The following ADSL variants were observed in gnomAD, a reference collection of about 807,000 sequenced individuals.
ADSL encodes the protein adenylosuccinase.
Under a neutral mutation model 62.1 loss-of-function variants are expected in ADSL, and 44 were observed. That is an observed-to-expected ratio of 0.71 (90% CI 0.56 to 0.91). ADSL has a LOEUF of 0.91. Among genes scored for constraint, ADSL ranks in the 40% least tolerant of loss-of-function variants. The probability of loss-of-function intolerance (pLI) is 0.00; values close to 1 mark genes in which losing one functional copy is unlikely to be tolerated. For synonymous variants in ADSL, 198 were observed against 220.5 expected (o/e 0.90, Z 0.90); for missense variants, 531 against 627.4 (o/e 0.85, Z 1.64).
At chr22:40,357,247 C>CTTTTTTTTTTTTTTT (rs760770992) in intron 4 of ADSL, among the ~76,000 whole-genome samples, 1 of 102,782 alleles carries the variant, frequency 9.7e-6, no homozygotes, top group Non-Finnish European at 2.0e-5. Flanking sequence ...TTGATTTGGG[C>CTTTTTTTTTTTTTTT]TTTTTTTTTT....
chr22:40,384,693 T>C (rs957486731), intron 2 of ADSL, among the ~76,000 whole-genome samples: 1 of 152,058 alleles, frequency 6.6e-6, no homozygotes, highest in Non-Finnish European at 1.5e-5. Context: ...GGCGGGAGAA[T>C]GGGCATGGAT....
Position 40,350,009 on chromosome 22 carries a change from A to G in ADSL, c.331A>G (p.Thr111Ala), listed in dbSNP as rs758355156. ...TGCAGGCATTATTCACCTTGGTGCT[A>G]CTTCTTGCTATGTTGGAGACAATAC... ...KAAGIIHLGA[T>A]SCYVGDNTDL... Residue 111 changes from threonine (T) to alanine (A), a missense_variant, in exon 2 of 13, where the codon ACT (threonine) becomes GCT (alanine). Around this residue, in one of 2 missense-constraint regions of ADSL, gnomAD observed 471 missense variants for 592.9 expected, o/e 0.79. Transcript: ENST00000623063. 6.2e-7 allele frequency: 1 copy of G among 1,613,818 alleles called. No homozygotes were observed. The highest frequency in any genetic ancestry group is 8.5e-7 in the Non-Finnish European group (1 of 1,179,884).
intron 2 of ADSL, 150 bp downstream of exon 2, chr22:40,350,185 A>G: frequency 1.4e-6 from 1 of 718,004 alleles, no homozygotes; most frequent in South Asian, 1.8e-5. Flanking sequence ...ACTGGAGTGC[A>G]GTGGCACGGC....
chr22:40,358,775 G>C, intron 4 of ADSL, 89 bp from the exon 5 acceptor site: 1 of 1,250,370 alleles, frequency 8.0e-7, no homozygotes, highest in Non-Finnish European at 1.2e-6. Flanking sequence ...CCCTCCAAGG[G>C]GTAATGGTGG....
chr22:40,354,963 A>G (rs371969630), intron 4 of ADSL, among the ~76,000 whole-genome samples: 1 of 152,234 alleles, frequency 6.6e-6, no homozygotes, highest in Admixed American at 6.5e-5. Flanking sequence ...ATAACATGCA[A>G]CCATTTAAAT....
chr22:40,383,911 A>C (rs1477131650), intron 2 of ADSL, among the ~76,000 whole-genome samples: 1 of 152,144 alleles, frequency 6.6e-6, no homozygotes, highest in African/African-American at 2.4e-5. Flanking sequence ...GGTATTTTAG[A>C]GGTAAAATCA....
rs765313611 is a variant in ADSL, at chr22:40,346,554, T to G, written c.-5T>G. Reference sequence around the variant, plus strand: ...AGTCCACCCTGGCGGGGTCGCAGGGTTGGGATGGCGGCTGGAGGCGATCAT... The same window carrying G: ...AGTCCACCCTGGCGGGGTCGCAGGGGTGGGATGGCGGCTGGAGGCGATCAT... On this transcript the variant is annotated 5_prime_UTR_variant, in exon 1 of 13. Transcript: ENST00000623063. The G allele has an allele frequency of 1.2e-6, 2 of 1,603,014 alleles. No homozygotes were observed. Among genetic ancestry groups the G allele is most frequent in the Non-Finnish European group, 1.7e-6 (2 of 1,176,442 alleles).
chr22:40,357,331 G>A (rs573580373), intron 4 of ADSL, among the ~76,000 whole-genome samples: 12 of 134,738 alleles, frequency 8.9e-5, no homozygotes, highest in South Asian at 2.6e-4. Flanking sequence ...TTGGCTCACC[G>A]CAGCCTCCGC....
At chr22:40,385,375 T>G (rs1165555491) in intron 2 of ADSL, among the ~76,000 whole-genome samples, 4 of 152,164 alleles carry the variant, frequency 2.6e-5, no homozygotes, top group Admixed American at 6.5e-5. Flanking sequence ...TTTTGTTTAA[T>G]TCAGGGTTCA....
At chr22:40,383,446 G>A (rs1021188691) in intron 2 of ADSL, among the ~76,000 whole-genome samples, 1 of 147,376 alleles carries the variant, frequency 6.8e-6, no homozygotes, top group African/African-American at 2.5e-5. Flanking sequence ...CACCCTTGGC[G>A]ACAGAGCGAG....
chr22:40,384,713 G>A (rs1180472490), intron 2 of ADSL, among the ~76,000 whole-genome samples: 3 of 152,130 alleles, frequency 2.0e-5, no homozygotes, highest in African/African-American at 4.8e-5. Context: ...TCTGGGAGGC[G>A]GAGTTTGCAG....
chr22:40,373,949 T>A (rs904202738), downstream of ADSL, among the ~76,000 whole-genome samples: 7 of 150,408 alleles, frequency 4.7e-5, no homozygotes, highest in Admixed American at 4.6e-4. Flanking sequence ...TTTTTATTTA[T>A]TTTATTTATT....
rs150165724 is a variant in ADSL, at chr22:40,366,013, C to G, written c.1369-423C>G. Among the ~76,000 whole-genome samples, 857 of 151,824 alleles carry G rather than the reference C, an allele frequency of 5.6e-3. 8 individuals are homozygous for G. Among genetic ancestry groups the G allele is most frequent in the African/African-American group, 0.02 (810 of 41,422 alleles). ...AAGACTAAAACTGGAGGTAGGAGACCAATAAGGAGGCTACTGCAACGGGCC... is the reference window on the plus strand; with the variant it reads ...AAGACTAAAACTGGAGGTAGGAGACGAATAAGGAGGCTACTGCAACGGGCC... On this transcript the variant is annotated intron_variant, in intron 12 of 12. Transcript: ENST00000623063.
At chr22:40,365,138 T>A in intron 12 of ADSL, 82 bp downstream of exon 12, 2 of 1,406,306 alleles carry the variant, frequency 1.4e-6, no homozygotes, top group Non-Finnish European at 2.0e-6. Context: ...ATAGGAGGTA[T>A]GGTGGGAATG....
chr22:40,350,694 C>A (rs758598257), intron 2 of ADSL, among the ~76,000 whole-genome samples: 3 of 152,030 alleles, frequency 2.0e-5, no homozygotes, highest in Non-Finnish European at 4.4e-5. Flanking sequence ...TCTTGGCTCA[C>A]TGCAACCTCT....
chr22:40,346,844 C>G (rs949593935), intron 1 of ADSL, 133 bp downstream of exon 1: 1 of 944,582 alleles, frequency 1.1e-6, no homozygotes, highest in East Asian at 2.7e-5. Flanking sequence ...TGTTCCCTGT[C>G]CTGAGGAGCT....
chr22:40,353,299 T>G (rs1259717348), intron 3 of ADSL, 182 bp downstream of exon 3: 1 of 706,992 alleles, frequency 1.4e-6, no homozygotes. Flanking sequence ...CTTCTTCTCT[T>G]CCTCCTTCTC....
intron 4 of ADSL, among the ~76,000 whole-genome samples, chr22:40,354,864 G>A (rs573221694): frequency 4.8e-4 from 68 of 142,526 alleles, no homozygotes; most frequent in African/African-American, 1.6e-3. Context: ...GCAAGACTCC[G>A]TCTCAAAAAA....
At chr22:40,380,965 T>C (rs1311439280) in intron 2 of ADSL, among the ~76,000 whole-genome samples, 1 of 152,106 alleles carries the variant, frequency 6.6e-6, no homozygotes, top group Non-Finnish European at 1.5e-5. Context: ...AAATACAAGT[T>C]GCTGCAGCTT....
Sources: allele counts gnomAD v4.1 joint callset (sites outside exome capture counted in the v4.1 genomes callset), GRCh38; gene constraint gnomAD v4.1.1; regional missense constraint gnomAD v4.1.1; transcripts MANE v1.5; gene names NCBI Gene and HGNC (gene_info 2026-07-23, HGNC 2026-07-21).